The following ADAMTS17 variants were observed in gnomAD, a reference collection of about 807,000 sequenced individuals.
ADAMTS17 encodes A disintegrin and metalloproteinase with thrombospondin motifs 17.
A neutral mutation model predicts 141.5 loss-of-function variants in ADAMTS17; 113 were observed. That is an observed-to-expected ratio of 0.80 (90% CI 0.69 to 0.93). The LOEUF is 0.93. Ranked by LOEUF, ADAMTS17 falls within the 40% of genes least tolerant of loss-of-function variation. The pLI, the probability that ADAMTS17 is intolerant of heterozygous loss-of-function variation, is 0.00. For synonymous variants in ADAMTS17, 768 were observed against 630.6 expected, an observed-to-expected ratio of 1.22 and a Z score of -3.27; for missense variants, 1,659 against 1,517.9, an observed-to-expected ratio of 1.09 and a Z score of -1.54.
intron 10 of ADAMTS17, among the ~76,000 whole-genome samples, chr15:100,144,079 T>G (rs2038783666): frequency 6.6e-6 from 1 of 152,214 alleles, no homozygotes; most frequent in Non-Finnish European, 1.5e-5. Flanking sequence ...AGAAAACAAT[T>G]AAACTGGAAG....
intron 15 of ADAMTS17, among the ~76,000 whole-genome samples, chr15:100,061,457 C>T (rs1567108212): frequency 6.6e-6 from 1 of 152,174 alleles, no homozygotes; most frequent in East Asian, 1.9e-4. Flanking sequence ...ACATGGCCCT[C>T]AGGCTTCAGG....
intron 7 of ADAMTS17, among the ~76,000 whole-genome samples, chr15:100,250,090 C>CTCAA (rs534344313): frequency 3.0e-4 from 46 of 152,184 alleles, no homozygotes; most frequent in African/African-American, 1.1e-3. Flanking sequence ...TAAAAAAGCA[C>CTCAA]GATTTAAAAC....
chr15:100,213,412 G>A (rs1027523000), intron 7 of ADAMTS17, among the ~76,000 whole-genome samples: 2 of 152,098 alleles, frequency 1.3e-5, no homozygotes, highest in Non-Finnish European at 2.9e-5. Flanking sequence ...TCAGAAAATC[G>A]ATGTCAACAT....
At chr15:100,050,393 G>A (rs1407759132) in intron 17 of ADAMTS17, among the ~76,000 whole-genome samples, 1 of 152,198 alleles carries the variant, frequency 6.6e-6, no homozygotes, top group South Asian at 2.1e-4. Context: ...AAGGCCATCG[G>A]CACAAGCGGC....
chr15:100,255,278 G>C lies in ADAMTS17; in HGVS notation c.1032-1099C>G, dbSNP rs572720964. On this transcript the variant is annotated intron_variant, in intron 6 of 21. Coordinates refer to ENST00000268070, the MANE Select transcript of ADAMTS17 (RefSeq NM_139057.4). ...CTGGGGCAGGACTCAGCCGGCTGAG[G>C]AGCCACAACCTGGCCCAGACACGGC... Among the ~76,000 whole-genome samples the C allele has an allele frequency of 8.5e-5, 13 of 152,200 alleles. No homozygotes were observed. In the East Asian group the frequency reaches 2.5e-3, roughly 29 times the overall value.
chr15:100,304,334 G>A (rs2045147290), intron 3 of ADAMTS17, among the ~76,000 whole-genome samples: 1 of 152,148 alleles, frequency 6.6e-6, no homozygotes, highest in Non-Finnish European at 1.5e-5. Flanking sequence ...CATTTCTTTT[G>A]AGTAGCCCGT....
rs57096144 is a variant in ADAMTS17, at chr15:100,163,002, A to G, written c.1182-7682T>C. On this transcript the variant is annotated intron_variant, in intron 8 of 21. Coordinates refer to ENST00000268070, the MANE Select transcript of ADAMTS17 (RefSeq NM_139057.4). ...TGTGTATATATAACTATATATGTAT[A>G]TATGTGTATATATAACTATATATGT... is the stretch of plus-strand genomic sequence containing the variant. Among the ~76,000 whole-genome samples, 435 of 142,676 alleles carry G rather than the reference A, an allele frequency of 3.0e-3. 5 individuals carry two copies. The highest frequency in any genetic ancestry group is 9.7e-3 in the African/African-American group (385 of 39,780). The allele number at this position is 142,676 out of a possible 152,430, so 93.6% of individuals were successfully genotyped here.
intron 4 of ADAMTS17, among the ~76,000 whole-genome samples, chr15:100,277,284 G>A (rs958877467): frequency 6.6e-6 from 1 of 152,066 alleles, no homozygotes. Context: ...GAGGGGTGCA[G>A]GGTGTTTAAT....
chr15:100,137,870 A>ACAC (rs2038418348), intron 10 of ADAMTS17, among the ~76,000 whole-genome samples: 1 of 151,814 alleles, frequency 6.6e-6, no homozygotes, highest in African/African-American at 2.4e-5. Flanking sequence ...TTCACTACCA[A>ACAC]CACCCACCCT....
In ADAMTS17 at chr15:100,122,844, G is replaced by C. The variant is rs184612898; in HGVS notation, c.1722-5831C>G. ...AGAAAGAGGAGGAGTTGGTCTTGCT[G>C]TCTCAGGAGCAGCAGAGACAGAAAA... On this transcript the variant is annotated intron_variant, in intron 12 of 21. Transcript: ENST00000268070. Among the ~76,000 whole-genome samples the C allele has an allele frequency of 8.1e-4, 124 of 152,282 alleles. 2 individuals carry two copies. Among genetic ancestry groups the C allele is most frequent in the African/African-American group, 2.8e-3 (115 of 41,552 alleles).
chr15:100,033,024 A>G (rs2030336772), intron 18 of ADAMTS17, among the ~76,000 whole-genome samples: 1 of 152,184 alleles, frequency 6.6e-6, no homozygotes, highest in Non-Finnish European at 1.5e-5. Flanking sequence ...CTACTTTTAC[A>G]ATAATCATTT....
intron 17 of ADAMTS17, among the ~76,000 whole-genome samples, chr15:100,050,497 C>T (rs184053094): frequency 2.6e-5 from 4 of 152,224 alleles, no homozygotes; most frequent in East Asian, 3.9e-4. Flanking sequence ...TGCCAACTGC[C>T]GCAGGGCTGT....
intron 8 of ADAMTS17, among the ~76,000 whole-genome samples, chr15:100,163,873 C>T (rs1035492563): frequency 6.6e-6 from 1 of 152,206 alleles, no homozygotes; most frequent in African/African-American, 2.4e-5. Flanking sequence ...TTTGTCTGAG[C>T]ATTTCACTTA....
At chr15:100,116,824 A>C (rs372050965) in intron 13 of ADAMTS17, 23 bp downstream of exon 13, 1 of 1,613,838 alleles carries the variant, frequency 6.2e-7, no homozygotes, top group African/African-American at 1.3e-5. Flanking sequence ...GCTGCCATGC[A>C]AGGACATGCC....
At chr15:100,044,169 A>T (rs1329538495) in intron 18 of ADAMTS17, among the ~76,000 whole-genome samples, 3 of 152,220 alleles carry the variant, frequency 2.0e-5, no homozygotes, top group Admixed American at 6.5e-5. Context: ...TAGTTGAAAC[A>T]TGAAGATGTG....
intron 3 of ADAMTS17, among the ~76,000 whole-genome samples, chr15:100,326,072 T>C (rs932423225): frequency 3.2e-4 from 49 of 152,306 alleles, no homozygotes; most frequent in Middle Eastern, 3.4e-3. Context: ...CACAGAGACA[T>C]CAAGGGACTC....
At chr15:100,012,790 T>C (rs1567675780) in intron 18 of ADAMTS17, among the ~76,000 whole-genome samples, 1 of 152,244 alleles carries the variant, frequency 6.6e-6, no homozygotes, top group East Asian at 1.9e-4. Context: ...ACTACGGCCT[T>C]ATAGTATAGT....
In ADAMTS17 at chr15:100,250,492, A is replaced by C. The variant is rs138726596; in HGVS notation, c.1075+3644T>G. Among the ~76,000 whole-genome samples the C allele has an allele frequency of 1.5e-3, 230 of 152,308 alleles. 2 individuals are homozygous for C. Among genetic ancestry groups the C allele is most frequent in the African/African-American group, 4.7e-3 (197 of 41,564 alleles). ...ATTTGAAAAATAAACTGATATTGGG[A>C]TGAGAAAATCATAAAGATGGAATAC... On this transcript the variant is annotated intron_variant, in intron 7 of 21. Transcript: ENST00000268070.
At chr15:99,977,382 AT>A (rs2060374701) in intron 20 of ADAMTS17, among the ~76,000 whole-genome samples, 4 of 20,938 alleles carry the variant, frequency 1.9e-4, no homozygotes, top group African/African-American at 8.6e-4. Context: ...ATATATATAT[AT>A]ATATATATAT....
Sources: allele counts gnomAD v4.1 joint callset (sites outside exome capture counted in the v4.1 genomes callset), GRCh38; gene constraint gnomAD v4.1.1; transcripts MANE v1.5; gene names NCBI Gene and HGNC (gene_info 2026-07-23, HGNC 2026-07-21).